The following PRDM5 variants were observed in gnomAD, a reference collection of about 807,000 sequenced individuals.
The protein encoded by PRDM5 is PR domain zinc finger protein 5.
A neutral mutation model predicts 81.2 loss-of-function variants in PRDM5; 56 were observed. The ratio of observed to expected loss-of-function variants is 0.69; its 90% CI spans 0.56 to 0.86. The LOEUF (loss-of-function observed/expected upper bound fraction) is 0.86, where lower values mean the gene tolerates loss of function less well. PRDM5 is among the 40% of genes least tolerant of loss of function. The pLI is 0.00. For synonymous variants in PRDM5, 267 were observed against 256.4 expected, an observed-to-expected ratio of 1.04 and a Z score of -0.39; for missense variants, 697 against 770.1, an observed-to-expected ratio of 0.91 and a Z score of 1.12.
intron 10 of PRDM5, among the ~76,000 whole-genome samples, chr4:120,788,547 T>C (rs1393275454): frequency 1.3e-5 from 2 of 152,222 alleles, no homozygotes; most frequent in African/African-American, 4.8e-5. Flanking sequence ...TTTTAGAGCA[T>C]CCAGGTTGGA....
At chr4:120,785,116 G>T (rs1209730561) in intron 10 of PRDM5, 25 bp from the exon 11 acceptor site, 4 of 1,527,536 alleles carry the variant, frequency 2.6e-6, no homozygotes, top group Non-Finnish European at 3.6e-6. Context: ...CACTGAGTCA[G>T]GAGGATCTAG....
chr4:120,853,981 G>C (rs1037986198), intron 2 of PRDM5, among the ~76,000 whole-genome samples: 3 of 152,178 alleles, frequency 2.0e-5, no homozygotes, highest in Non-Finnish European at 4.4e-5. Context: ...CCTGCTTACA[G>C]AATCATCTCC....
At chr4:120,841,272 G>A (rs891258005) in intron 3 of PRDM5, among the ~76,000 whole-genome samples, 2 of 152,144 alleles carry the variant, frequency 1.3e-5, no homozygotes, top group Non-Finnish European at 2.9e-5. Flanking sequence ...TAAAGTACAA[G>A]GTAATTTTTA....
Position 120,781,149 on chromosome 4 carries a change from A to G in PRDM5, c.1437T>C (p.His479=). The G allele has an allele frequency of 6.2e-7, 1 of 1,613,024 alleles. No individual in the cohort carries two copies. The highest frequency in any genetic ancestry group is 1.3e-5 in the African/African-American group (1 of 74,996). ...ACAGAAGACTTCCACTTACTTTCTT[A>G]TGACTTCTAAGCACTGAAGGTGTAA... is the stretch of plus-strand genomic sequence containing the variant. ...AFVTPSVLRS[H]KKTHTGEKEK... Residue 479 remains histidine (H), a synonymous_variant, in exon 12 of 16, where the codon CAT becomes CAC. Coordinates refer to ENST00000264808, the MANE Select transcript of PRDM5 (RefSeq NM_018699.4).
chr4:120,704,946 A>C (rs1263292633), intron 15 of PRDM5, among the ~76,000 whole-genome samples: 1 of 152,238 alleles, frequency 6.6e-6, no homozygotes, highest in Admixed American at 6.5e-5. Context: ...TAGAGAAATA[A>C]ATTGAAAATA....
intron 4 of PRDM5, among the ~76,000 whole-genome samples, chr4:120,820,774 T>C (rs564668411): frequency 6.6e-6 from 1 of 152,238 alleles, no homozygotes; most frequent in Non-Finnish European, 1.5e-5. Context: ...CCTTTTCCTA[T>C]ATGCAGATGA....
chr4:120,727,581 C>T (rs1739607265), intron 14 of PRDM5, among the ~76,000 whole-genome samples: 1 of 152,140 alleles, frequency 6.6e-6, no homozygotes, highest in African/African-American at 2.4e-5. Flanking sequence ...TAAAGCTTAA[C>T]AAGCATCTCC....
At position 120,871,766 on chromosome 4, in the gene PRDM5, CA is replaced by C. The variant is rs139374666; in HGVS notation, c.178-18227del. On this transcript the variant is annotated intron_variant, in intron 2 of 15. Coordinates refer to ENST00000264808, the MANE Select transcript of PRDM5 (RefSeq NM_018699.4). ...AAATACATTAGGGTGGCTACTGTTT[CA>C]AAAAAAAAAAAAAGAAAGAATTGGT... Among the ~76,000 whole-genome samples, 630 of 137,586 alleles carry C rather than the reference CA, an allele frequency of 4.6e-3. 4 individuals carry two copies. The highest frequency in any genetic ancestry group is 0.04 in the East Asian group (190 of 4,738). 90.3% of individuals were successfully genotyped at this position (137,586 alleles called of 152,430 possible).
At chr4:120,853,025 T>C (rs1480962414) in intron 3 of PRDM5, among the ~76,000 whole-genome samples, 1 of 152,090 alleles carries the variant, frequency 6.6e-6, no homozygotes, top group Non-Finnish European at 1.5e-5. Context: ...TCACAGGGAA[T>C]ATCCCCAAGT....
intron 14 of PRDM5, among the ~76,000 whole-genome samples, chr4:120,743,172 C>T (rs1463010010): frequency 1.3e-5 from 2 of 151,682 alleles, no homozygotes; most frequent in Non-Finnish European, 2.9e-5. Context: ...TCATATCCAG[C>T]CAAACTAAGC....
chr4:120,838,028 G>T (rs1163184899), intron 3 of PRDM5: 1 of 152,112 alleles, frequency 6.6e-6, no homozygotes, highest in South Asian at 2.1e-4. Flanking sequence ...ATTTAATTAA[G>T]TATAATAAGA....
At chr4:120,688,328 T>G (rs1425862564), downstream of PRDM5, among the ~76,000 whole-genome samples, 6 of 152,128 alleles carry the variant, frequency 3.9e-5, no homozygotes, top group East Asian at 1.2e-3. Flanking sequence ...TCAATTGGGT[T>G]GTTTTTTATT....
At chr4:120,833,457 A>G (rs905562501) in intron 3 of PRDM5, among the ~76,000 whole-genome samples, 1 of 152,114 alleles carries the variant, frequency 6.6e-6, no homozygotes, top group African/African-American at 2.4e-5. Flanking sequence ...ATATTCCCAA[A>G]AGAAGTTGTA....
At chr4:120,833,431 G>A (rs1337734207) in intron 3 of PRDM5, among the ~76,000 whole-genome samples, 1 of 151,924 alleles carries the variant, frequency 6.6e-6, no homozygotes, top group Non-Finnish European at 1.5e-5. Flanking sequence ...CCAGAGTAGT[G>A]GTGCTAACAA....
chr4:120,829,605 G>A (rs546623403), intron 3 of PRDM5, among the ~76,000 whole-genome samples: 17 of 152,158 alleles, frequency 1.1e-4, no homozygotes, highest in South Asian at 2.1e-4. Flanking sequence ...GGGTAATTTG[G>A]TATTTCAGCT....
At chr4:120,769,260 G>C (rs1468747908) in intron 13 of PRDM5, among the ~76,000 whole-genome samples, 1 of 152,104 alleles carries the variant, frequency 6.6e-6, no homozygotes, top group Non-Finnish European at 1.5e-5. Flanking sequence ...ATCAGTTATG[G>C]GCATGGCCCT....
chr4:120,767,826 G>T (rs1746600425), intron 13 of PRDM5, among the ~76,000 whole-genome samples: 1 of 152,174 alleles, frequency 6.6e-6, no homozygotes, highest in South Asian at 2.1e-4. Context: ...ATCACAGGGT[G>T]ATCTTTGCTG....
intron 3 of PRDM5, among the ~76,000 whole-genome samples, chr4:120,851,876 A>G (rs532356501): frequency 6.6e-6 from 1 of 152,166 alleles, no homozygotes; most frequent in Non-Finnish European, 1.5e-5. Flanking sequence ...CTTCTTGAAC[A>G]GTGTACATGG....
chr4:120,824,917 T>C (rs944939168), intron 3 of PRDM5, among the ~76,000 whole-genome samples: 8 of 152,330 alleles, frequency 5.3e-5, no homozygotes, highest in Middle Eastern at 3.4e-3. Flanking sequence ...GTACTTTGTA[T>C]AGTCATCTTC....
Sources: gnomAD v4.1 joint callset for allele counts (sites outside exome capture counted in the v4.1 genomes callset) on GRCh38, gnomAD v4.1.1 for gene constraint, MANE v1.5 for transcripts, NCBI Gene and HGNC (gene_info 2026-07-23, HGNC 2026-07-21) for gene names.